GABRB3: variants seen among roughly 807,000 people sequenced by gnomAD.
GABRB3 encodes gamma-aminobutyric acid receptor subunit beta-3.
GABRB3 carries 14 observed loss-of-function variants against 52.1 expected under a neutral mutation model. The observed-to-expected ratio is 0.27, with a 90% CI of 0.18 to 0.42. The LOEUF is 0.42. Ranked by LOEUF, GABRB3 falls within the 10% of genes least tolerant of loss-of-function variation. The pLI is 1.00. For synonymous variants in GABRB3, 260 were observed against 232.3 expected, an observed-to-expected ratio of 1.12 and a Z score of -1.08; for missense variants, 307 against 609.1, an observed-to-expected ratio of 0.50 and a Z score of 5.22.
intron 7 of GABRB3, among the ~76,000 whole-genome samples, chr15:26,565,390 C>T (rs947186001): frequency 6.6e-6 from 1 of 152,130 alleles, no homozygotes; most frequent in Non-Finnish European, 1.5e-5. Context: ...AAGATCACAG[C>T]TGCCCTCTTG....
chr15:26,666,303 T>G (rs1260008265), intron 3 of GABRB3: 1 of 152,214 alleles, frequency 6.6e-6, no homozygotes, highest in African/African-American at 2.4e-5. Context: ...TTCTATTGCT[T>G]GGCAGATGGG....
At chr15:26,702,052 G>C (rs971677458) in intron 3 of GABRB3, among the ~76,000 whole-genome samples, 7 of 152,086 alleles carry the variant, frequency 4.6e-5, no homozygotes, top group African/African-American at 1.7e-4. Flanking sequence ...ACCCCAAAAA[G>C]AACTTCAACC....
intron 4 of GABRB3, among the ~76,000 whole-genome samples, chr15:26,608,924 C>T (rs1449435143): frequency 6.6e-6 from 1 of 151,996 alleles, no homozygotes; most frequent in East Asian, 1.9e-4. Context: ...TTACCATATG[C>T]TACAGCAATC....
intron 3 of GABRB3, among the ~76,000 whole-genome samples, chr15:26,679,612 T>C (rs906534230): frequency 4.6e-5 from 7 of 152,174 alleles, no homozygotes; most frequent in African/African-American, 1.7e-4. Context: ...TAATAGAGAA[T>C]AGCAGAGAAT....
At chr15:26,639,939 G>A (rs558467199) in intron 3 of GABRB3, among the ~76,000 whole-genome samples, 3 of 152,322 alleles carry the variant, frequency 2.0e-5, no homozygotes, top group East Asian at 1.9e-4. Flanking sequence ...ATGCCAACAA[G>A]AGTTGTGAAT....
At chr15:26,717,639 C>T (rs1889530985) in intron 3 of GABRB3, among the ~76,000 whole-genome samples, 1 of 152,130 alleles carries the variant, frequency 6.6e-6, no homozygotes, top group South Asian at 2.1e-4. Flanking sequence ...TGGATGGAAT[C>T]TCTCTCTCCC....
intron 4 of GABRB3, among the ~76,000 whole-genome samples, chr15:26,600,503 A>C (rs1380675518): frequency 6.6e-6 from 1 of 152,208 alleles, no homozygotes; most frequent in Non-Finnish European, 1.5e-5. Context: ...CATATCGCAT[A>C]TAAGAGGTGC....
At chr15:26,675,376 A>C (rs1888034686) in intron 3 of GABRB3, among the ~76,000 whole-genome samples, 1 of 152,100 alleles carries the variant, frequency 6.6e-6, no homozygotes, top group African/African-American at 2.4e-5. Flanking sequence ...GACCTAACCC[A>C]ACCAGGAACC....
intron 3 of GABRB3, chr15:26,629,262 A>C (rs1224393136): frequency 8.3e-7 from 1 of 1,202,872 alleles, no homozygotes; most frequent in Admixed American, 2.9e-5. Context: ...CCCGAGAGGG[A>C]GGAGGCGTGG....
intron 3 of GABRB3, among the ~76,000 whole-genome samples, chr15:26,748,208 A>T (rs1039908832): frequency 1.3e-5 from 2 of 152,088 alleles, no homozygotes; most frequent in Non-Finnish European, 2.9e-5. Context: ...TCTTCCTGGT[A>T]TCAGTGTAAT....
chr15:26,641,132 C>T (rs944304468), intron 3 of GABRB3, among the ~76,000 whole-genome samples: 8 of 152,142 alleles, frequency 5.3e-5, no homozygotes, highest in Admixed American at 1.3e-4. Flanking sequence ...TGAGGAGTGG[C>T]GAACATCTAT....
chr15:26,762,678 G>C (rs1461392460), intron 3 of GABRB3, among the ~76,000 whole-genome samples: 1 of 152,168 alleles, frequency 6.6e-6, no homozygotes, highest in East Asian at 1.9e-4. Flanking sequence ...AATATTATTT[G>C]AGCAGAAACA....
chr15:26,583,778 ATT>A (rs572548858), intron 4 of GABRB3, among the ~76,000 whole-genome samples: 11 of 140,914 alleles, frequency 7.8e-5, no homozygotes, highest in Admixed American at 2.1e-4. Flanking sequence ...TGTATCACCT[ATT>A]TTTTTTTTTT....
At chr15:26,629,041 G>A (rs2140555195) in intron 3 of GABRB3, 1 of 1,536,160 alleles carries the variant, frequency 6.5e-7, no homozygotes, top group Non-Finnish European at 8.7e-7. Context: ...CCGGTGCTGA[G>A]GTCCCAAAGA....
chr15:26,577,090 C>T (rs149420684), intron 6 of GABRB3, among the ~76,000 whole-genome samples: 213 of 152,158 alleles, frequency 1.4e-3, no homozygotes, highest in African/African-American at 5.0e-3. Context: ...ATGACAAGAT[C>T]GGGTACGTGT....
intron 3 of GABRB3, among the ~76,000 whole-genome samples, chr15:26,685,204 C>T (rs1455762792): frequency 2.6e-5 from 4 of 152,172 alleles, no homozygotes; most frequent in African/African-American, 9.7e-5. Context: ...CCTACTTCTC[C>T]GCCAGCATTC....
chr15:26,660,101 G>A (rs1022706115), intron 3 of GABRB3, among the ~76,000 whole-genome samples: 1 of 151,938 alleles, frequency 6.6e-6, no homozygotes, highest in African/African-American at 2.4e-5. Flanking sequence ...ATGGTGGCAC[G>A]CCCCTGTAAT....
chr15:26,661,130 T>A (rs1887528863), intron 3 of GABRB3, among the ~76,000 whole-genome samples: 1 of 152,042 alleles, frequency 6.6e-6, no homozygotes, highest in African/African-American at 2.4e-5. Flanking sequence ...CACTGACAAT[T>A]AGTGTAGGTA....
At chr15:26,566,292 G>A (rs894236739) in intron 7 of GABRB3, among the ~76,000 whole-genome samples, 42 of 152,226 alleles carry the variant, frequency 2.8e-4, no homozygotes, top group African/African-American at 9.2e-4. Flanking sequence ...CCATAATTAT[G>A]TGTTATTTCC....
Sources: allele counts gnomAD v4.1 joint callset (sites outside exome capture counted in the v4.1 genomes callset), GRCh38; gene constraint gnomAD v4.1.1; transcripts MANE v1.5; gene names NCBI Gene and HGNC (gene_info 2026-07-23, HGNC 2026-07-21).